The following PHF20 variants were observed in gnomAD, a reference collection of about 807,000 sequenced individuals.
PHF20 encodes the protein PHD finger protein 20, also known as glioma-expressed antigen 2.
A neutral mutation model predicts 113.5 loss-of-function variants in PHF20; 23 were observed. That is an observed-to-expected ratio of 0.20 (90% CI 0.15 to 0.29). PHF20 has a LOEUF of 0.29. Ranked by LOEUF, PHF20 falls within the 10% of genes least tolerant of loss-of-function variation. The pLI, the probability that PHF20 is intolerant of heterozygous loss-of-function variation, is 1.00. For synonymous variants in PHF20, 434 were observed against 457.3 expected, an observed-to-expected ratio of 0.95 and a Z score of 0.65; for missense variants, 943 against 1,219.6, an observed-to-expected ratio of 0.77 and a Z score of 3.38.
intron 10 of PHF20, among the ~76,000 whole-genome samples, chr20:35,903,213 C>T (rs916926198): frequency 3.4e-5 from 5 of 149,090 alleles, no homozygotes; most frequent in Admixed American, 2.0e-4. Context: ...TTGGAAATTT[C>T]TTGGTGAATT....
intron 2 of PHF20, among the ~76,000 whole-genome samples, chr20:35,830,662 T>G (rs191134024): frequency 1.3e-5 from 2 of 152,272 alleles, no homozygotes; most frequent in African/African-American, 4.8e-5. Context: ...TTTTTCTTTT[T>G]CACATCAACT....
intron 4 of PHF20, among the ~76,000 whole-genome samples, chr20:35,856,736 T>TAA (rs2042835268): frequency 6.6e-6 from 1 of 152,218 alleles, no homozygotes. Context: ...TGTGGGTATT[T>TAA]GAGCCAGGCA....
chr20:35,926,230 ATTTTTTTT>A (rs1186510585), intron 13 of PHF20, among the ~76,000 whole-genome samples: 11 of 52,972 alleles, frequency 2.1e-4, no homozygotes, highest in African/African-American at 7.6e-4. Flanking sequence ...ACAGACTTTC[ATTTTTTTT>A]TTTTTTTTTT....
At chr20:35,922,398 T>G (rs145373594) in intron 13 of PHF20, among the ~76,000 whole-genome samples, 1 of 152,346 alleles carries the variant, frequency 6.6e-6, no homozygotes, top group African/African-American at 2.4e-5. Flanking sequence ...CAGGAATAAA[T>G]TTTTCTTAAA....
chr20:35,813,996 G>C (rs2042023240), intron 2 of PHF20, among the ~76,000 whole-genome samples: 1 of 147,670 alleles, frequency 6.8e-6, no homozygotes, highest in Admixed American at 6.8e-5. Flanking sequence ...AGTTAGCTAT[G>C]ATCACACCAC....
intron 1 of PHF20, among the ~76,000 whole-genome samples, chr20:35,775,820 T>C (rs2041164385): frequency 6.7e-6 from 1 of 148,546 alleles, no homozygotes. Context: ...TATATATATA[T>C]ATTTTGGGTG....
At position 35,899,554 on chromosome 20, in the gene PHF20, G is replaced by C. The variant is rs565748652; in HGVS notation, c.1467G>C (p.Pro489=). ...MEKSLEPEES[P]GKRHVQTRGP... ...AGTCACTGGAGCCAGAAGAGAGCCC[G>C]GGAAAGAGGCATGTCCAAACCAGGG... Residue 489 remains proline, a synonymous_variant, in exon 10 of 18, where the codon CCG becomes CCC. Transcript: ENST00000374012. The C allele has an allele frequency of 6.2e-7, 1 of 1,613,914 alleles. No homozygotes were observed. Among genetic ancestry groups the C allele is most frequent in the South Asian group, 1.1e-5 (1 of 91,078 alleles).
chr20:35,901,513 A>T (rs1471199032), intron 10 of PHF20, among the ~76,000 whole-genome samples: 5 of 152,094 alleles, frequency 3.3e-5, no homozygotes, highest in Non-Finnish European at 7.4e-5. Context: ...AAGATAAAGG[A>T]TTGGGCTTTT....
At chr20:35,920,330 C>T (rs1294391147) in intron 13 of PHF20, among the ~76,000 whole-genome samples, 1 of 152,094 alleles carries the variant, frequency 6.6e-6, no homozygotes, top group Non-Finnish European at 1.5e-5. Flanking sequence ...CGGTAGTATT[C>T]CATGCTATGG....
At chr20:35,923,927 A>AT (rs919850347) in intron 13 of PHF20, among the ~76,000 whole-genome samples, 22 of 150,810 alleles carry the variant, frequency 1.5e-4, no homozygotes, top group East Asian at 5.9e-4. Flanking sequence ...AATTTCTTTA[A>AT]TTTTTTTTTG....
intron 6 of PHF20, among the ~76,000 whole-genome samples, chr20:35,864,090 G>A (rs1384617965): frequency 6.6e-6 from 1 of 152,150 alleles, no homozygotes; most frequent in African/African-American, 2.4e-5. Flanking sequence ...TCAATGGCAT[G>A]AAGAGGCCCC....
At chr20:35,908,363 C>A (rs1015807559) in intron 10 of PHF20, among the ~76,000 whole-genome samples, 1 of 152,246 alleles carries the variant, frequency 6.6e-6, no homozygotes, top group African/African-American at 2.4e-5. Flanking sequence ...CAAATGACCA[C>A]TATCTTTAGC....
rs535827669 is a variant in PHF20 at position 35,781,769 on chromosome 20, A to T, written c.-33+9690A>T. ...AGGCCAGCCTGGCCATCATGGCAAAACCCCATCTCTACTAAAAATACAAAA... is the reference window on the plus strand; with the variant it reads ...AGGCCAGCCTGGCCATCATGGCAAATCCCCATCTCTACTAAAAATACAAAA... On this transcript the variant is annotated intron_variant, in intron 1 of 17. Transcript: ENST00000374012. Among the ~76,000 whole-genome samples, 120 of 152,004 alleles carry T rather than the reference A, an allele frequency of 7.9e-4. 1 individual carries two copies. The highest frequency in any genetic ancestry group is 2.7e-3 in the African/African-American group (113 of 41,466).
In PHF20 at chr20:35,868,458, A is replaced by AT. The variant is rs112363613; in HGVS notation, c.809-976dup. ...CTATTAAAAATACAAAAAAAAAAAA[A>AT]TTTTGCTAGGTATGGCAGGTGCCTG... On this transcript the variant is annotated intron_variant, in intron 6 of 17. Coordinates refer to ENST00000374012, the MANE Select transcript of PHF20 (RefSeq NM_016436.5). 4.8e-3 allele frequency among the ~76,000 whole-genome samples: 720 copies of AT among 148,484 alleles called. 3 individuals carry two copies. Among genetic ancestry groups the AT allele is most frequent in the African/African-American group, 0.016 (663 of 40,230 alleles).
chr20:35,788,198 G>A (rs1315692580), intron 1 of PHF20, among the ~76,000 whole-genome samples: 1 of 151,470 alleles, frequency 6.6e-6, no homozygotes, highest in African/African-American at 2.4e-5. Context: ...CCAGGTTCAT[G>A]CCATTCTCCT....
At chr20:35,904,886 T>A (rs1418009227) in intron 10 of PHF20, among the ~76,000 whole-genome samples, 3 of 151,550 alleles carry the variant, frequency 2.0e-5, no homozygotes, top group Admixed American at 6.6e-5. Context: ...AGTGCAATAG[T>A]GCGATCTTGG....
chr20:35,791,870 C>G (rs2041563293), intron 1 of PHF20, among the ~76,000 whole-genome samples: 1 of 152,002 alleles, frequency 6.6e-6, no homozygotes, highest in South Asian at 2.1e-4. Context: ...ACTTGCCAAT[C>G]TTGAGGGCTT....
intron 9 of PHF20, among the ~76,000 whole-genome samples, chr20:35,885,467 C>CTTTTTTTTTTTTTT (rs577878410): frequency 3.9e-4 from 14 of 35,734 alleles, no homozygotes; most frequent in African/African-American, 6.5e-4. Context: ...GGGGAATAAG[C>CTTTTTTTTTTTTTT]TTTTTTTTTT....
chr20:35,927,415 C>G (rs2055661765), intron 13 of PHF20, among the ~76,000 whole-genome samples: 1 of 152,150 alleles, frequency 6.6e-6, no homozygotes, highest in South Asian at 2.1e-4. Context: ...AATTGTGTAT[C>G]CCATTTTGCA....
Sources: gnomAD v4.1 joint callset for allele counts (sites outside exome capture counted in the v4.1 genomes callset) on GRCh38, gnomAD v4.1.1 for gene constraint, MANE v1.5 for transcripts, NCBI Gene and HGNC (gene_info 2026-07-23, HGNC 2026-07-21) for gene names.